PRX: variants seen among roughly 807,000 people sequenced by gnomAD.
PRX encodes periaxin.
In PRX, 24 loss-of-function variants were observed where a neutral mutation model predicts 29.6. The observed-to-expected ratio is 0.81, with a 90% CI of 0.59 to 1.14. The LOEUF is 1.14. Among genes scored for constraint, PRX ranks in the 50% most tolerant of loss-of-function variants. The pLI is 0.00. For synonymous variants in PRX, 772 were observed against 831.7 expected, an observed-to-expected ratio of 0.93 and a Z score of 1.24; for missense variants, 1,838 against 1,926.4, an observed-to-expected ratio of 0.95 and a Z score of 0.86.
rs201337455 is a variant in PRX, at chr19:40,396,728, G to A, written c.1624C>T (p.Arg542Trp). 3.6e-4 allele frequency: 577 copies of A among 1,612,864 alleles called. 9 individuals carry two copies. In the South Asian group the frequency reaches 4.3e-3, roughly 12 times the overall value. ...KVPEMAVPEVRLPEVQLPKVS... is the reference protein window; with the variant it reads ...KVPEMAVPEVWLPEVQLPKVS... The stretch of plus-strand genomic sequence containing the variant: ...TTCGGCAGCTGTACCTCTGGAAGCC[G>A]CACCTCCGGCACAGCCATCTCTGGC... The change falls in exon 7 of 7, where the codon CGG becomes TGG. Residue 542 changes from arginine (R) to tryptophan (W), a missense_variant. Arg to Trp is a moderately radical substitution (Grantham distance 101, BLOSUM62 -3). Coordinates refer to ENST00000324001, the MANE Select transcript of PRX (RefSeq NM_181882.3).
chr19:40,407,075 C>T (rs2079534560), intron 4 of PRX, among the ~76,000 whole-genome samples: 1 of 151,668 alleles, frequency 6.6e-6, no homozygotes, highest in Admixed American at 6.6e-5. Context: ...CGCCCAGCCC[C>T]ATTACCTCCA....
Position 40,397,739 on chromosome 19 carries a change from C to G in PRX, c.613G>C (p.Ala205Pro). 1 of 1,562,690 alleles carries G rather than the reference C, an allele frequency of 6.4e-7. No individual in the cohort carries two copies. Residue 205 changes from alanine (A) to proline (P), a missense_variant, in exon 7 of 7, where the codon GCC becomes CCC. Ala to Pro is a conservative substitution (Grantham distance 27). This residue lies in a region of PRX where 666 missense variants were observed against 665.0 expected (regional missense o/e 1.00). Coordinates refer to ENST00000324001, the MANE Select transcript of PRX (RefSeq NM_181882.3). ...VREVAEEAQA[A>P]RLAAAAPPPR... ...GGAGGAGCGGCGGCGGCCAGCCGGG[C>G]TGCCTGAGCCTCTTCGGCCACTTCT... is the stretch of plus-strand genomic sequence containing the variant.
Position 40,398,116 on chromosome 19 carries a change from G to C in PRX, c.382-146C>G. 1 of 1,441,662 alleles carries C rather than the reference G, an allele frequency of 6.9e-7. No individual in the cohort carries two copies. The highest frequency in any genetic ancestry group is 9.1e-7 in the Non-Finnish European group (1 of 1,100,614). The allele number at this position is 1,441,662 out of a possible 1,614,324, so 89.3% of individuals were successfully genotyped here. A position where few individuals can be genotyped will look rare whatever the true frequency, so the allele number is the denominator to read the frequency against. Reference sequence around the variant, plus strand: ...CAAACATCATCCCCACTTCTTGCCTGTCATTTCACCATGAGTGCCCAGGAA... The same window carrying C: ...CAAACATCATCCCCACTTCTTGCCTCTCATTTCACCATGAGTGCCCAGGAA... On this transcript the variant is annotated intron_variant, in intron 6 of 6. Transcript: ENST00000324001. This position sits in a 1 kb window ranked among gnomAD's most constrained non-coding sequence, Gnocchi z 6.3.
rs1189502586 is a variant in PRX, at chr19:40,394,177, C to T, written c.4175G>A (p.Gly1392Glu). 1.3e-6 allele frequency: 2 copies of T among 1,586,310 alleles called. No homozygotes were observed. The highest frequency in any genetic ancestry group is 1.7e-6 in the Non-Finnish European group (2 of 1,163,550). Residue 1392 changes from glycine to glutamate, a missense_variant, in exon 7 of 7, where the codon GGG becomes GAG. Gly to Glu is a moderately conservative substitution (Grantham distance 98). Around this residue, in one of 3 missense-constraint regions of PRX, gnomAD observed 1,143 missense variants for 1,193.0 expected, o/e 0.96. Transcript: ENST00000324001. This position sits in a 1 kb window ranked among gnomAD's most constrained non-coding sequence, Gnocchi z 5.8. ...CTTGGGGGCTGCATCGCCCTCCTGC[C>T]CCCGAGAGGCTTTAGAAGGGGCCGC... ...GLAAPSKASR[G>E]QEGDAAPKSP... is the part of the protein sequence containing the mutation.
chr19:40,402,226 T>A (rs530585603), intron 5 of PRX, among the ~76,000 whole-genome samples: 1 of 150,248 alleles, frequency 6.7e-6, no homozygotes, highest in East Asian at 2.0e-4. Flanking sequence ...TGGTGGCGGG[T>A]GCCTGTAGTC....
intron 4 of PRX, chr19:40,407,672 C>T (rs978203156): frequency 3.2e-5 from 20 of 623,970 alleles, no homozygotes; most frequent in South Asian, 1.1e-4. Flanking sequence ...CTCCTTTGTG[C>T]GCCAGTGATT....
chr19:40,412,005 G>A (rs2079560573), intron 1 of PRX, among the ~76,000 whole-genome samples: 1 of 152,226 alleles, frequency 6.6e-6, no homozygotes, highest in Non-Finnish European at 1.5e-5. Context: ...GTACAACTGA[G>A]ATATCCATTT....
At position 40,407,970 on chromosome 19, in the gene PRX, G is replaced by A; in HGVS notation, c.-38C>T. ...AGGCACCTGCACCCCAGGCTCCTGT[G>A]TCCTCTCCCCTTTCTGCTGCAGAAC... On this transcript the variant is annotated 5_prime_UTR_variant, in exon 4 of 7. Coordinates refer to ENST00000324001, the MANE Select transcript of PRX (RefSeq NM_181882.3). The A allele has an allele frequency of 6.2e-7, 1 of 1,613,470 alleles. No homozygotes were observed. The highest frequency in any genetic ancestry group is 8.5e-7 in the Non-Finnish European group (1 of 1,179,990).
chr19:40,396,404 G>A lies in PRX; in HGVS notation c.1948C>T (p.Pro650Ser). 1.2e-6 allele frequency: 2 copies of A among 1,613,922 alleles called. No homozygotes were observed. ...TGCACTTCCGGGAGGTGCACATCGG[G>A]CACAGCCATCTCGGGCACCTTCGGG... is the stretch of plus-strand genomic sequence containing the variant. ...KLPKVPEMAV[P>S]DVHLPEVQLP... Residue 650 changes from proline to serine, a missense_variant, in exon 7 of 7, where the codon CCC (proline) becomes TCC (serine). Transcript: ENST00000324001.
intron 1 of PRX, among the ~76,000 whole-genome samples, chr19:40,408,733 C>T (rs1260340464): frequency 2.0e-5 from 3 of 152,076 alleles, no homozygotes; most frequent in African/African-American, 7.2e-5. Context: ...TGGGCTCAGG[C>T]GATCCTCCCA....
chr19:40,407,873 C>G, intron 4 of PRX, 33 bp downstream of exon 4: 1 of 1,612,402 alleles, frequency 6.2e-7, no homozygotes, highest in Non-Finnish European at 8.5e-7. Context: ...CCATTGCCCT[C>G]AAGTGCGCCT....
Position 40,394,332 on chromosome 19 carries a change from T to G in PRX, c.4020A>C (p.Gln1340His). Residue 1340 changes from glutamine (Q) to histidine (H), a missense_variant, in exon 7 of 7, where the codon CAA (glutamine) becomes CAC (histidine). By Grantham distance (24) the Gln-to-His change is conservative. Coordinates refer to ENST00000324001, the MANE Select transcript of PRX (RefSeq NM_181882.3). The surrounding 1 kb of genome is among the most constrained non-coding windows in gnomAD (Gnocchi z 5.8). ...ACCCTTCCCCAGTGACCATCTCACT[T>G]TGGCTGAAGCCCACTCGGGGCAGCC... ...KLRLPRVGFS[Q>H]SEMVTGEGSP... is the part of the protein sequence containing the mutation. The G allele has an allele frequency of 6.2e-7, 1 of 1,608,590 alleles. No homozygotes were observed. Among genetic ancestry groups the G allele is most frequent in the Non-Finnish European group, 8.5e-7 (1 of 1,177,328 alleles).
At chr19:40,409,541 C>T (rs181603295) in intron 1 of PRX, among the ~76,000 whole-genome samples, 30 of 151,492 alleles carry the variant, frequency 2.0e-4, no homozygotes, top group African/African-American at 6.8e-4. Context: ...GGTGCGAATT[C>T]GGCTTACTAC....
intron 5 of PRX, among the ~76,000 whole-genome samples, chr19:40,399,777 C>T (rs138272464): frequency 6.6e-6 from 1 of 152,194 alleles, no homozygotes; most frequent in Non-Finnish European, 1.5e-5. Context: ...TTCCTAGGCT[C>T]AACTGATCCT....
Position 40,396,709 on chromosome 19 carries a change from A to T in PRX, c.1643T>A (p.Leu548Gln). ...VPEVRLPEVQ[L>Q]PKVSEMKLPE... ...GAGTTTCATCTCTGACACTTTCGGC[A>T]GCTGTACCTCTGGAAGCCGCACCTC... The change falls in exon 7 of 7, where the codon CTG (leucine) becomes CAG (glutamine). Residue 548 changes from leucine to glutamine, a missense_variant. Physicochemically the swap from Leu to Gln is moderately radical, Grantham distance 113. Around this residue, in one of 3 missense-constraint regions of PRX, gnomAD observed 1,143 missense variants for 1,193.0 expected, o/e 0.96. Coordinates refer to ENST00000324001, the MANE Select transcript of PRX (RefSeq NM_181882.3). 1.2e-6 allele frequency: 2 copies of T among 1,613,146 alleles called. No individual in the cohort carries two copies. The highest frequency in any genetic ancestry group is 1.7e-6 in the Non-Finnish European group (2 of 1,179,904).
Position 40,396,008 on chromosome 19 carries a change from C to A in PRX, c.2344G>T (p.Val782Leu). 1 of 1,614,064 alleles carries A rather than the reference C, an allele frequency of 6.2e-7. No individual in the cohort carries two copies. The highest frequency in any genetic ancestry group is 8.5e-7 in the Non-Finnish European group (1 of 1,180,054). The change falls in exon 7 of 7, where the codon GTG becomes TTG. Residue 782 changes from valine (V) to leucine (L), a missense_variant. Val to Leu is a conservative substitution (Grantham distance 32). Around this residue, in one of 3 missense-constraint regions of PRX, gnomAD observed 1,143 missense variants for 1,193.0 expected, o/e 0.96. Coordinates refer to ENST00000324001, the MANE Select transcript of PRX (RefSeq NM_181882.3). The stretch of plus-strand genomic sequence containing the variant: ...TCTGCCTTGGTGGCCTTTAGCTGCA[C>A]CTCCGGAGCCCTGGGCAGCTTCACC... ...PEVKLPRAPE[V>L]QLKATKAEQA...
Position 40,395,627 on chromosome 19 carries a change from G to A in PRX, c.2725C>T (p.Pro909Ser). 1 of 1,614,154 alleles carries A rather than the reference G, an allele frequency of 6.2e-7. No homozygotes were observed. The highest frequency in any genetic ancestry group is 8.5e-7 in the Non-Finnish European group (1 of 1,180,026). The change falls in exon 7 of 7, where the codon CCC becomes TCC. Residue 909 changes from proline (P) to serine (S), a missense_variant. Transcript: ENST00000324001. Reference sequence around the variant, plus strand: ...CGCCCTTCCTCAATTTCCACGGCGGGCAGCTGTGGGGTGACAATTTCAACA... The same window carrying A: ...CGCCCTTCCTCAATTTCCACGGCGGACAGCTGTGGGGTGACAATTTCAACA... ...PSVEIVTPQL[P>S]AVEIEEGRLE...
rs770022401 is a variant in PRX at position 40,396,034 on chromosome 19, T to C, written c.2318A>G (p.Glu773Gly). Residue 773 changes from glutamate to glycine, a missense_variant, in exon 7 of 7, where the codon GAG becomes GGG. Coordinates refer to ENST00000324001, the MANE Select transcript of PRX (RefSeq NM_181882.3). The part of the protein sequence containing the change: ...VPDVHLPKAP[E>G]VKLPRAPEVQ... ...CTCCGGAGCCCTGGGCAGCTTCACC[T>C]CTGGTGCCTTCGGAAGATGCACGTC... 6.2e-7 allele frequency: 1 copy of C among 1,614,114 alleles called. No individual in the cohort carries two copies. The highest frequency in any genetic ancestry group is 1.3e-5 in the African/African-American group (1 of 75,056).
chr19:40,398,115 T>C lies in PRX; in HGVS notation c.382-145A>G. 2 of 1,441,772 alleles carry C rather than the reference T, an allele frequency of 1.4e-6. No individual in the cohort carries two copies. The highest frequency in any genetic ancestry group is 1.8e-6 in the Non-Finnish European group (2 of 1,100,656). The allele number at this position is 1,441,772 out of a possible 1,614,324, so 89.3% of individuals were successfully genotyped here. On this transcript the variant is annotated intron_variant, in intron 6 of 6. Transcript: ENST00000324001. The surrounding 1 kb of genome is among the most constrained non-coding windows in gnomAD (Gnocchi z 6.3). ...CCAAACATCATCCCCACTTCTTGCC[T>C]GTCATTTCACCATGAGTGCCCAGGA...
Sources: allele counts gnomAD v4.1 joint callset (sites outside exome capture counted in the v4.1 genomes callset), GRCh38; gene constraint gnomAD v4.1.1; regional missense constraint gnomAD v4.1.1; non-coding constraint Gnocchi (gnomAD v3.1); transcripts MANE v1.5; gene names NCBI Gene and HGNC (gene_info 2026-07-23, HGNC 2026-07-21).